The following NELL1 variants were observed in gnomAD, a reference collection of about 807,000 sequenced individuals.
The protein encoded by NELL1 is neural EGFL like 1.
Under a neutral mutation model 107.4 loss-of-function variants are expected in NELL1, and 76 were observed. That is an observed-to-expected ratio of 0.71 (90% CI 0.59 to 0.86). The LOEUF is 0.86. NELL1 is among the 40% of genes least tolerant of loss of function. The pLI is 0.00. For synonymous variants in NELL1, 353 were observed against 341.2 expected (o/e 1.03, Z -0.38); for missense variants, 1,024 against 1,005.5 (o/e 1.02, Z -0.25).
rs12797550 is a variant in NELL1 at position 21,443,968 on chromosome 11, C to G, written c.1645+73020C>G. Among the ~76,000 whole-genome samples, 6 of 151,644 alleles carry G rather than the reference C, an allele frequency of 4.0e-5. No individual in the cohort carries two copies. The East Asian group carries it at 9.7e-4, about 25-fold the overall frequency. On this transcript the variant is annotated intron_variant, in intron 15 of 19. Coordinates refer to ENST00000357134, the MANE Select transcript of NELL1 (RefSeq NM_006157.5). ...TACTATTACATTATAAGAAGGAAAACAATAATCACTTTTTCCACTAACTAG... is the reference window on the plus strand; with the variant it reads ...TACTATTACATTATAAGAAGGAAAAGAATAATCACTTTTTCCACTAACTAG...
intron 15 of NELL1, among the ~76,000 whole-genome samples, chr11:21,509,413 G>A (rs185151113): frequency 6.6e-6 from 1 of 152,258 alleles, no homozygotes; most frequent in Admixed American, 6.5e-5. Flanking sequence ...ATATGAGCAG[G>A]ATTGTTCATA....
chr11:20,861,353 G>GA (rs1328575128), intron 4 of NELL1, among the ~76,000 whole-genome samples: 1 of 152,196 alleles, frequency 6.6e-6, no homozygotes, highest in Non-Finnish European at 1.5e-5. Context: ...ATCTGCAGCG[G>GA]GAACATATTC....
intron 14 of NELL1, among the ~76,000 whole-genome samples, chr11:21,276,430 C>T (rs904224221): frequency 6.6e-6 from 1 of 152,176 alleles, no homozygotes; most frequent in African/African-American, 2.4e-5. Context: ...ATTCCATGCT[C>T]ATTGGTAGGA....
intron 2 of NELL1, among the ~76,000 whole-genome samples, chr11:20,731,179 C>A (rs1238167673): frequency 6.6e-6 from 1 of 152,168 alleles, no homozygotes; most frequent in Non-Finnish European, 1.5e-5. Flanking sequence ...TCTGCAGACA[C>A]CTGAGGAGGT....
At chr11:21,368,184 A>G (rs1254187190) in intron 14 of NELL1, among the ~76,000 whole-genome samples, 2 of 152,072 alleles carry the variant, frequency 1.3e-5, no homozygotes, top group African/African-American at 4.8e-5. Context: ...AGGTTCAACT[A>G]GGGAATGATT....
chr11:20,956,005 G>T (rs954851163), intron 11 of NELL1, among the ~76,000 whole-genome samples: 15 of 152,114 alleles, frequency 9.9e-5, no homozygotes, highest in African/African-American at 3.4e-4. Context: ...TGGATCATGA[G>T]GTCAGGAGTT....
chr11:21,536,935 G>T (rs564446296), intron 16 of NELL1, among the ~76,000 whole-genome samples: 2 of 152,090 alleles, frequency 1.3e-5, no homozygotes, highest in African/African-American at 4.8e-5. Context: ...TGAAGGATGC[G>T]GTAAAATTCC....
chr11:20,866,019 G>A (rs1453624681), intron 4 of NELL1, among the ~76,000 whole-genome samples: 2 of 152,140 alleles, frequency 1.3e-5, no homozygotes. Flanking sequence ...AAATGGGGAT[G>A]GCAGTCATTC....
chr11:21,264,236 A>G (rs1848594714), intron 14 of NELL1, among the ~76,000 whole-genome samples: 1 of 151,890 alleles, frequency 6.6e-6, no homozygotes, highest in Non-Finnish European at 1.5e-5. Context: ...TAGGAGGAAG[A>G]GACCGAGATT....
At chr11:20,865,012 C>T (rs1043255449) in intron 4 of NELL1, among the ~76,000 whole-genome samples, 1 of 152,150 alleles carries the variant, frequency 6.6e-6, no homozygotes, top group African/African-American at 2.4e-5. Context: ...CTTTTTGATA[C>T]ACACTGATAT....
chr11:21,362,127 C>T (rs149868421), intron 14 of NELL1, among the ~76,000 whole-genome samples: 92 of 152,210 alleles, frequency 6.0e-4, no homozygotes, highest in Admixed American at 1.8e-3. Context: ...TGGACGAATT[C>T]AGTGGAGAGG....
intron 15 of NELL1, among the ~76,000 whole-genome samples, chr11:21,464,671 T>C (rs1258922949): frequency 6.6e-6 from 1 of 152,098 alleles, no homozygotes; most frequent in African/African-American, 2.4e-5. Flanking sequence ...GCTGGCTGCA[T>C]TGAGACCCTG....
At chr11:20,750,562 A>AATTATTATTATTATT (rs113562957) in intron 2 of NELL1, among the ~76,000 whole-genome samples, 65 of 149,698 alleles carry the variant, frequency 4.3e-4, no homozygotes, top group African/African-American at 1.4e-3. Context: ...TGTACCTCGG[A>AATTATTATTATTATT]ATTATTATTA....
intron 13 of NELL1, among the ~76,000 whole-genome samples, chr11:21,206,043 C>T (rs966919399): frequency 1.3e-5 from 2 of 152,130 alleles, no homozygotes; most frequent in Non-Finnish European, 2.9e-5. Flanking sequence ...AAAAATTATA[C>T]AAAAATTTGA....
intron 14 of NELL1, among the ~76,000 whole-genome samples, chr11:21,341,421 A>AGT (rs1289242693): frequency 2.0e-5 from 3 of 152,208 alleles, no homozygotes; most frequent in East Asian, 3.8e-4. Flanking sequence ...CTTACACATG[A>AGT]GTGTGTGGCA....
chr11:21,193,602 TAC>T (rs1226249568), intron 13 of NELL1, among the ~76,000 whole-genome samples: 2 of 151,944 alleles, frequency 1.3e-5, no homozygotes, highest in Non-Finnish European at 2.9e-5. Flanking sequence ...ATTTTATAAG[TAC>T]ATTTAAAGTG....
At chr11:21,193,850 C>G (rs1389899622) in intron 13 of NELL1, among the ~76,000 whole-genome samples, 1 of 151,818 alleles carries the variant, frequency 6.6e-6, no homozygotes, top group Non-Finnish European at 1.5e-5. Flanking sequence ...GGGTTTGTCT[C>G]ACTTTGATGG....
At chr11:21,123,994 A>G (rs1014958748) in intron 13 of NELL1, among the ~76,000 whole-genome samples, 2 of 152,206 alleles carry the variant, frequency 1.3e-5, no homozygotes, top group Non-Finnish European at 2.9e-5. Flanking sequence ...ACATATGCAC[A>G]TACACATGCA....
At chr11:20,735,078 G>A (rs1421708446) in intron 2 of NELL1, among the ~76,000 whole-genome samples, 1 of 152,072 alleles carries the variant, frequency 6.6e-6, no homozygotes, top group Non-Finnish European at 1.5e-5. Flanking sequence ...AGAGAAGAAG[G>A]AGCCAGCAAA....
Sources: gnomAD v4.1 joint callset for allele counts (sites outside exome capture counted in the v4.1 genomes callset) on GRCh38, gnomAD v4.1.1 for gene constraint, MANE v1.5 for transcripts, NCBI Gene and HGNC (gene_info 2026-07-23, HGNC 2026-07-21) for gene names.